Variants in CPE observed in about 807,000 individuals in gnomAD.
The protein encoded by CPE is carbocypeptidase E.
CPE carries 17 observed loss-of-function variants against 53.5 expected under a neutral mutation model. That is an observed-to-expected ratio of 0.32 (90% CI 0.22 to 0.48). CPE has a LOEUF of 0.48. Ranked by LOEUF, CPE falls within the 20% of genes least tolerant of loss-of-function variation. The pLI is 0.99. For missense variants in CPE, 524 were observed against 614.7 expected (o/e 0.85, Z 1.56); for synonymous variants, 226 against 228.8 (o/e 0.99, Z 0.11).
At chr4:165,384,791 C>T (rs533030469) in intron 1 of CPE, among the ~76,000 whole-genome samples, 35 of 152,156 alleles carry the variant, frequency 2.3e-4, no homozygotes, top group Non-Finnish European at 4.6e-4. Flanking sequence ...AGCAGAGGGC[C>T]TCATACAGGG....
chr4:165,405,840 C>T (rs890490650), intron 1 of CPE: 1 of 747,046 alleles, frequency 1.3e-6, no homozygotes, highest in Non-Finnish European at 2.5e-6. Flanking sequence ...GTAAGATCCC[C>T]AGCAAGACTT....
chr4:165,409,214 A>AT (rs11411024), intron 1 of CPE, among the ~76,000 whole-genome samples: 27,133 of 151,864 alleles, frequency 0.18, 2,671 homozygotes, highest in African/African-American at 0.26. Context: ...GCTGGTTAAA[A>AT]TTTTTCACCC....
chr4:165,432,353 T>G (rs1035053494), intron 1 of CPE, among the ~76,000 whole-genome samples: 1 of 152,150 alleles, frequency 6.6e-6, no homozygotes, highest in Non-Finnish European at 1.5e-5. Flanking sequence ...TGGAGTGCAG[T>G]GGCACAATCT....
chr4:165,430,004 C>T (rs948930373), intron 1 of CPE, among the ~76,000 whole-genome samples: 2 of 151,730 alleles, frequency 1.3e-5, no homozygotes, highest in African/African-American at 4.8e-5. Flanking sequence ...TTTCATGTAC[C>T]TAGAGAATTT....
intron 3 of CPE, among the ~76,000 whole-genome samples, chr4:165,477,109 A>G (rs1003263384): frequency 3.3e-5 from 5 of 152,170 alleles, no homozygotes; most frequent in Non-Finnish European, 5.9e-5. Context: ...GGTGAAATCA[A>G]CTCAGGTTGA....
At chr4:165,437,236 G>A (rs546293439) in intron 1 of CPE, among the ~76,000 whole-genome samples, 1 of 152,286 alleles carries the variant, frequency 6.6e-6, no homozygotes, top group South Asian at 2.1e-4. Flanking sequence ...CTAAGCCCTG[G>A]GTCAGATGGA....
chr4:165,434,052 A>C (rs566064241), intron 1 of CPE, among the ~76,000 whole-genome samples: 52 of 152,098 alleles, frequency 3.4e-4, no homozygotes, highest in African/African-American at 1.1e-3. Context: ...CTTAAATGTT[A>C]CCTTCTCAGG....
chr4:165,439,293 A>G (rs1056457204), intron 1 of CPE, among the ~76,000 whole-genome samples: 2 of 129,516 alleles, frequency 1.5e-5, no homozygotes, highest in African/African-American at 5.9e-5. Flanking sequence ...AGCCAACTTT[A>G]AAATTTTAGT....
chr4:165,400,530 A>G (rs929918688), intron 1 of CPE, among the ~76,000 whole-genome samples: 1 of 152,150 alleles, frequency 6.6e-6, no homozygotes, highest in Admixed American at 6.5e-5. Context: ...GATACAGTAA[A>G]GGTCACTCAC....
intron 1 of CPE, among the ~76,000 whole-genome samples, chr4:165,448,552 G>T (rs1366684374): frequency 1.3e-5 from 2 of 152,082 alleles, no homozygotes; most frequent in African/African-American, 4.8e-5. Flanking sequence ...TTCTCTCTGG[G>T]CATGGGAGCC....
At chr4:165,431,267 G>A (rs544560349) in intron 1 of CPE, among the ~76,000 whole-genome samples, 3 of 152,140 alleles carry the variant, frequency 2.0e-5, no homozygotes, top group Non-Finnish European at 4.4e-5. Context: ...TGCCACCTGG[G>A]TTAGCCTGGC....
At position 165,383,449 on chromosome 4, in the gene CPE, C is replaced by T. The variant is rs151108814; in HGVS notation, c.307+3921C>T. ...TTCTGTGTTCCCAGACCACTCGACC[C>T]GGAGTTAAATATGAGTTAAGATTAA... On this transcript the variant is annotated intron_variant, in intron 1 of 8. Coordinates refer to ENST00000402744, the MANE Select transcript of CPE (RefSeq NM_001873.4). 2.0e-3 allele frequency among the ~76,000 whole-genome samples: 298 copies of T among 152,182 alleles called. 1 individual carries two copies. Among genetic ancestry groups the T allele is most frequent in the African/African-American group, 6.8e-3 (282 of 41,520 alleles).
At chr4:165,429,764 G>T (rs142834402) in intron 1 of CPE, among the ~76,000 whole-genome samples, 1 of 151,892 alleles carries the variant, frequency 6.6e-6, no homozygotes, top group Non-Finnish European at 1.5e-5. Context: ...TAGGAAAGAT[G>T]AAATACACAT....
intron 3 of CPE, among the ~76,000 whole-genome samples, chr4:165,471,697 C>A (rs1392496460): frequency 6.6e-6 from 1 of 152,170 alleles, no homozygotes; most frequent in Admixed American, 6.5e-5. Context: ...CTCTTGAGGT[C>A]CTAAATAACC....
At chr4:165,434,034 G>T (rs1296343570) in intron 1 of CPE, among the ~76,000 whole-genome samples, 1 of 152,012 alleles carries the variant, frequency 6.6e-6, no homozygotes, top group Non-Finnish European at 1.5e-5. Context: ...TCAACCTTCT[G>T]TCTTTAGCTT....
intron 1 of CPE, among the ~76,000 whole-genome samples, chr4:165,425,898 C>T (rs1731309351): frequency 1.3e-5 from 2 of 152,184 alleles, no homozygotes; most frequent in South Asian, 4.1e-4. Context: ...CCTCTCACAA[C>T]AAAGAATGAT....
At chr4:165,397,576 A>G (rs1158058269) in intron 1 of CPE, among the ~76,000 whole-genome samples, 2 of 151,952 alleles carry the variant, frequency 1.3e-5, no homozygotes. Flanking sequence ...GTTCTTAGAC[A>G]CTCTCTTTCC....
intron 1 of CPE, among the ~76,000 whole-genome samples, chr4:165,384,732 G>T (rs989482912): frequency 3.3e-5 from 5 of 152,170 alleles, no homozygotes; most frequent in Non-Finnish European, 5.9e-5. Context: ...TTTGTCACAT[G>T]AGACTGGATG....
At chr4:165,448,082 A>G (rs1180931662) in intron 1 of CPE, among the ~76,000 whole-genome samples, 6 of 152,214 alleles carry the variant, frequency 3.9e-5, no homozygotes, top group Non-Finnish European at 5.9e-5. Context: ...CAGAAGGTTC[A>G]TCAATAGGAG....
Sources: allele counts gnomAD v4.1 joint callset (sites outside exome capture counted in the v4.1 genomes callset), GRCh38; gene constraint gnomAD v4.1.1; transcripts MANE v1.5; gene names NCBI Gene and HGNC (gene_info 2026-07-23, HGNC 2026-07-21).